Variants in CENPP observed in about 807,000 individuals in gnomAD.
CENPP encodes centromere protein P.
Under a neutral mutation model 35.6 loss-of-function variants are expected in CENPP, and 24 were observed. The ratio of observed to expected loss-of-function variants is 0.67; its 90% confidence interval spans 0.49 to 0.95. CENPP has a LOEUF of 0.95. CENPP is among the 40% of genes least tolerant of loss of function. The pLI is 0.00. For synonymous variants in CENPP, 120 were observed against 125.5 expected (o/e 0.96, Z 0.29); for missense variants, 332 against 345.3 (o/e 0.96, Z 0.31).
intron 3 of CENPP, among the ~76,000 whole-genome samples, chr9:92,345,212 C>T (rs2130802940): frequency 6.6e-6 from 1 of 152,148 alleles, no homozygotes; most frequent in South Asian, 2.1e-4. Flanking sequence ...GAGATCGCGC[C>T]ACCACACTCC....
At position 92,390,040 on chromosome 9, in the gene CENPP, G is replaced by A. The variant is rs754036150; in HGVS notation, c.564+10181G>A. 20 of 1,596,936 alleles carry A rather than the reference G, an allele frequency of 1.3e-5. No individual in the cohort carries two copies. In the African/African-American group the frequency reaches 2.0e-4, roughly 16 times the overall value. ...CTTCTATCAAATTTCCTGTAAAATC[G>A]AGTCTTCTTAAGTTAGCTAGAGGGA... On this transcript the variant is annotated intron_variant, in intron 5 of 7. Coordinates refer to ENST00000375587, the MANE Select transcript of CENPP (RefSeq NM_001012267.3).
At chr9:92,346,093 A>C (rs575653328) in intron 4 of CENPP, among the ~76,000 whole-genome samples, 44 of 152,360 alleles carry the variant, frequency 2.9e-4, no homozygotes, top group Non-Finnish European at 4.4e-4. Context: ...AAATAATGGC[A>C]GAAGTAAATA....
chr9:92,449,064 T>C (rs182118907), intron 5 of CENPP, among the ~76,000 whole-genome samples: 2 of 152,288 alleles, frequency 1.3e-5, no homozygotes, highest in South Asian at 2.1e-4. Flanking sequence ...TGTATCATCA[T>C]AGTTAAAAGC....
At chr9:92,352,379 C>A (rs1212028872) in intron 4 of CENPP, among the ~76,000 whole-genome samples, 4 of 146,596 alleles carry the variant, frequency 2.7e-5, no homozygotes, top group African/African-American at 5.1e-5. Context: ...AAAAACAAAA[C>A]CAAAACCAAA....
At chr9:92,503,491 A>G (rs1447541738) in intron 5 of CENPP, among the ~76,000 whole-genome samples, 2 of 152,240 alleles carry the variant, frequency 1.3e-5, no homozygotes, top group Non-Finnish European at 2.9e-5. Flanking sequence ...ATAATTAATT[A>G]AAGTTAATTA....
At chr9:92,477,202 C>A (rs1007918367) in intron 5 of CENPP, among the ~76,000 whole-genome samples, 3 of 152,166 alleles carry the variant, frequency 2.0e-5, no homozygotes, top group Admixed American at 1.3e-4. Context: ...GTATTCCAGT[C>A]ATCCTGTGAA....
At chr9:92,362,034 AATAAG>A (rs778428722) in intron 4 of CENPP, among the ~76,000 whole-genome samples, 70 of 152,242 alleles carry the variant, frequency 4.6e-4, no homozygotes, top group South Asian at 2.5e-3. Context: ...CATAAAATAA[AATAAG>A]ATAAGATAAG....
At chr9:92,512,644 G>A (rs897925507) in intron 5 of CENPP, among the ~76,000 whole-genome samples, 2 of 152,140 alleles carry the variant, frequency 1.3e-5, no homozygotes, top group African/African-American at 4.8e-5. Context: ...CTAATGTTAT[G>A]CCTCTACGGC....
chr9:92,454,339 A>T (rs1844808793), intron 5 of CENPP, among the ~76,000 whole-genome samples: 1 of 152,186 alleles, frequency 6.6e-6, no homozygotes, highest in Non-Finnish European at 1.5e-5. Flanking sequence ...TTGTAAAAAG[A>T]TTAACTTGGC....
At chr9:92,521,085 T>C (rs1848039279) in intron 5 of CENPP, among the ~76,000 whole-genome samples, 1 of 152,192 alleles carries the variant, frequency 6.6e-6, no homozygotes, top group African/African-American at 2.4e-5. Context: ...CACTTTAAAA[T>C]GGATGAAATG....
chr9:92,460,646 G>T, intron 5 of CENPP: 1 of 959,712 alleles, frequency 1.0e-6, no homozygotes, highest in South Asian at 1.6e-5. Flanking sequence ...TCAAGTTTCA[G>T]ATTATGGATT....
At chr9:92,372,510 T>G (rs1171037089) in intron 4 of CENPP, among the ~76,000 whole-genome samples, 1 of 152,206 alleles carries the variant, frequency 6.6e-6, no homozygotes, top group Non-Finnish European at 1.5e-5. Flanking sequence ...TTTCTTGCTT[T>G]GTATGTTTTC....
At chr9:92,474,140 T>A (rs1845624739) in intron 5 of CENPP, among the ~76,000 whole-genome samples, 1 of 152,230 alleles carries the variant, frequency 6.6e-6, no homozygotes, top group South Asian at 2.1e-4. Context: ...TTTATCCACT[T>A]TTTTCTTAGG....
chr9:92,390,350 A>G (rs997705714), intron 5 of CENPP, among the ~76,000 whole-genome samples: 2 of 152,228 alleles, frequency 1.3e-5, no homozygotes, highest in African/African-American at 4.8e-5. Flanking sequence ...ATGGTCAGGC[A>G]GTTTGAAAGA....
chr9:92,534,626 G>C (rs1300424091), intron 5 of CENPP, among the ~76,000 whole-genome samples: 1 of 152,094 alleles, frequency 6.6e-6, no homozygotes, highest in African/African-American at 2.4e-5. Context: ...ATGTAAAGAA[G>C]GACCAAATCC....
chr9:92,595,872 C>T (rs1850768806), intron 5 of CENPP, among the ~76,000 whole-genome samples: 1 of 152,102 alleles, frequency 6.6e-6, no homozygotes, highest in South Asian at 2.1e-4. Context: ...TATTTCCTTC[C>T]ATTTTTAAAA....
At chr9:92,612,838 GCCTCCAGCCGTAGGTGAGGCCTC>G (rs1170234273) in intron 7 of CENPP, among the ~76,000 whole-genome samples, 158 bp from the exon 8 acceptor site, 2 of 152,180 alleles carry the variant, frequency 1.3e-5, no homozygotes, top group African/African-American at 4.8e-5. Flanking sequence ...CAGGGAATAT[GCCTCCAGCCGTAGGTGAGGCCTC>G]CACTCACTCC....
intron 5 of CENPP, among the ~76,000 whole-genome samples, chr9:92,388,030 C>T (rs534986223): frequency 3.0e-4 from 45 of 152,114 alleles, no homozygotes; most frequent in Non-Finnish European, 1.8e-4. Context: ...TCCCAAAGTG[C>T]TAGGATTACA....
At chr9:92,606,087 C>A (rs1169875039) in intron 5 of CENPP, among the ~76,000 whole-genome samples, 1 of 151,976 alleles carries the variant, frequency 6.6e-6, no homozygotes, top group Non-Finnish European at 1.5e-5. Context: ...ATGGCAAAAC[C>A]CTGTCCCTAT....
Sources: gnomAD v4.1 joint callset for allele counts (sites outside exome capture counted in the v4.1 genomes callset) on GRCh38, gnomAD v4.1.1 for gene constraint, MANE v1.5 for transcripts, NCBI Gene and HGNC (gene_info 2026-07-23, HGNC 2026-07-21) for gene names.